The following GPC5 variants were observed in gnomAD, a reference collection of about 807,000 sequenced individuals.
The protein encoded by GPC5 is glypican-5.
Under a neutral mutation model 53.9 loss-of-function variants are expected in GPC5, and 47 were observed. The ratio of observed to expected loss-of-function variants is 0.87; its 90% confidence interval spans 0.69 to 1.11. The LOEUF (loss-of-function observed/expected upper bound fraction) is 1.11. GPC5 is among the 50% of genes most tolerant of loss of function. The pLI is 0.00. For missense variants in GPC5, 748 were observed against 713.1 expected, an observed-to-expected ratio of 1.05 and a Z score of -0.56; for synonymous variants, 286 against 263.3, an observed-to-expected ratio of 1.09 and a Z score of -0.84.
At chr13:91,763,418 A>G (rs971650396) in intron 5 of GPC5, among the ~76,000 whole-genome samples, 2 of 152,192 alleles carry the variant, frequency 1.3e-5, no homozygotes, top group African/African-American at 4.8e-5. Context: ...TATCAAAAAG[A>G]TGAGGCACTG....
At chr13:92,527,280 A>G (rs1881397340) in intron 7 of GPC5, among the ~76,000 whole-genome samples, 1 of 149,846 alleles carries the variant, frequency 6.7e-6, no homozygotes, top group Non-Finnish European at 1.5e-5. Flanking sequence ...AGAAAGAAAG[A>G]AAAAGATCAA....
rs185627832 is a variant in GPC5, at chr13:91,601,063, A to T, written c.326-92124A>T. ...GACATTCTATTGGGTCTTATAAGAA[A>T]AGTCTGTTCTTAATGATGTTTTCAT... On this transcript the variant is annotated intron_variant, in intron 2 of 7. Transcript: ENST00000377067. 3.9e-5 allele frequency among the ~76,000 whole-genome samples: 6 copies of T among 152,324 alleles called. No individual in the cohort carries two copies. The East Asian group carries it at 1.2e-3, about 29-fold the overall frequency.
At chr13:92,815,312 A>G (rs1018797325) in intron 7 of GPC5, among the ~76,000 whole-genome samples, 1 of 152,032 alleles carries the variant, frequency 6.6e-6, no homozygotes, top group African/African-American at 2.4e-5. Flanking sequence ...TAACCAATGA[A>G]GTTCCCACTT....
chr13:91,906,553 A>G (rs2039555143), intron 5 of GPC5, among the ~76,000 whole-genome samples: 1 of 152,140 alleles, frequency 6.6e-6, no homozygotes, highest in Admixed American at 6.6e-5. Context: ...AATAAAATGT[A>G]ATGAATAAAC....
At chr13:92,074,632 G>A (rs1594753591) in intron 6 of GPC5, among the ~76,000 whole-genome samples, 1 of 152,202 alleles carries the variant, frequency 6.6e-6, no homozygotes, top group East Asian at 1.9e-4. Context: ...CCCAGTTCTT[G>A]ATTTTCCTGA....
At chr13:91,759,511 A>G (rs1445403284) in intron 5 of GPC5, among the ~76,000 whole-genome samples, 1 of 151,972 alleles carries the variant, frequency 6.6e-6, no homozygotes, top group Admixed American at 6.6e-5. Flanking sequence ...AATTATCCCC[A>G]TTACCCTCTT....
intron 2 of GPC5, among the ~76,000 whole-genome samples, chr13:91,480,065 T>G (rs1465866403): frequency 6.6e-6 from 1 of 152,192 alleles, no homozygotes; most frequent in Admixed American, 6.5e-5. Context: ...ATCTCTGTGC[T>G]TTTGTTGGGT....
At chr13:91,791,708 ACT>A (rs769110584) in intron 5 of GPC5, among the ~76,000 whole-genome samples, 12 of 149,614 alleles carry the variant, frequency 8.0e-5, no homozygotes, top group Middle Eastern at 6.8e-3. Flanking sequence ...AATTGAAAAT[ACT>A]CTCTTCCACT....
intron 7 of GPC5, among the ~76,000 whole-genome samples, chr13:92,662,024 T>G (rs1421002901): frequency 3.3e-5 from 5 of 152,172 alleles, no homozygotes; most frequent in Non-Finnish European, 7.3e-5. Context: ...TTCCAATCTG[T>G]CATGTCTTCC....
At chr13:91,903,962 C>T (rs1280318190) in intron 5 of GPC5, among the ~76,000 whole-genome samples, 1 of 151,888 alleles carries the variant, frequency 6.6e-6, no homozygotes, top group African/African-American at 2.4e-5. Context: ...TCTCAGTTTT[C>T]ATTGCCTATA....
chr13:92,149,066 T>G (rs2041888714), intron 7 of GPC5, among the ~76,000 whole-genome samples: 1 of 151,450 alleles, frequency 6.6e-6, no homozygotes, highest in Non-Finnish European at 1.5e-5. Context: ...ACAGTGGTAA[T>G]CGAGGGAAAA....
chr13:92,611,146 C>A lies in GPC5; in HGVS notation c.1562-255136C>A, dbSNP rs538271632. ...ATAAAATCACATTTGGCTTCTGAAGCAATAACTGTGGTATGGCAAATAGGT... is the reference window on the plus strand; with the variant it reads ...ATAAAATCACATTTGGCTTCTGAAGAAATAACTGTGGTATGGCAAATAGGT... On this transcript the variant is annotated intron_variant, in intron 7 of 7. Coordinates refer to ENST00000377067, the MANE Select transcript of GPC5 (RefSeq NM_004466.6). 4.7e-4 allele frequency among the ~76,000 whole-genome samples: 72 copies of A among 152,028 alleles called. No homozygotes were observed. In the South Asian group the frequency reaches 0.015, roughly 32 times the overall value.
intron 7 of GPC5, among the ~76,000 whole-genome samples, chr13:92,715,611 A>ATGTT (rs1888304481): frequency 6.6e-6 from 1 of 152,188 alleles, no homozygotes; most frequent in African/African-American, 2.4e-5. Flanking sequence ...CTGGACTTGG[A>ATGTT]TGTTTATACT....
intron 6 of GPC5, among the ~76,000 whole-genome samples, chr13:92,021,956 T>G (rs1423078203): frequency 6.6e-6 from 1 of 152,154 alleles, no homozygotes; most frequent in African/African-American, 2.4e-5. Context: ...GAACATTGAT[T>G]TATTTCAGAA....
intron 7 of GPC5, among the ~76,000 whole-genome samples, chr13:92,661,157 T>C (rs1242039691): frequency 2.6e-5 from 4 of 151,898 alleles, no homozygotes; most frequent in Non-Finnish European, 4.4e-5. Flanking sequence ...TAGCTGGGTG[T>C]GGTGGTGTGC....
chr13:92,084,590 A>C (rs1310464881), intron 6 of GPC5, among the ~76,000 whole-genome samples: 1 of 152,190 alleles, frequency 6.6e-6, no homozygotes, highest in Non-Finnish European at 1.5e-5. Flanking sequence ...TAGCTTTGCC[A>C]GTTAGCATGT....
chr13:92,431,160 T>C (rs1484075532), intron 7 of GPC5, among the ~76,000 whole-genome samples: 2 of 152,212 alleles, frequency 1.3e-5, no homozygotes, highest in East Asian at 3.9e-4. Context: ...CAAACACTTA[T>C]TAACCACTTC....
intron 2 of GPC5, among the ~76,000 whole-genome samples, chr13:91,675,643 C>T (rs1005404711): frequency 1.3e-5 from 2 of 152,152 alleles, no homozygotes; most frequent in Admixed American, 1.3e-4. Context: ...AACCAATAGC[C>T]TAATTGGATT....
intron 7 of GPC5, among the ~76,000 whole-genome samples, chr13:92,177,150 C>T (rs1436162095): frequency 6.6e-6 from 1 of 152,182 alleles, no homozygotes; most frequent in Non-Finnish European, 1.5e-5. Flanking sequence ...GGCTTACAGA[C>T]CCCTGGCTTC....
Sources: gnomAD v4.1 joint callset for allele counts (sites outside exome capture counted in the v4.1 genomes callset) on GRCh38, gnomAD v4.1.1 for gene constraint, MANE v1.5 for transcripts, NCBI Gene and HGNC (gene_info 2026-07-23, HGNC 2026-07-21) for gene names.